The following MVB12B variants were observed in gnomAD, a reference collection of about 807,000 sequenced individuals.
The protein encoded by MVB12B is multivesicular body subunit 12B.
MVB12B carries 16 observed loss-of-function variants against 41.6 expected under a neutral mutation model. The observed-to-expected ratio is 0.38, with a 90% confidence interval of 0.26 to 0.58. MVB12B has a LOEUF of 0.58. MVB12B is among the 20% of genes least tolerant of loss of function. MVB12B has a pLI of 0.62. For synonymous variants in MVB12B, 133 were observed against 139.7 expected (o/e 0.95, Z 0.34); for missense variants, 274 against 380.2 (o/e 0.72, Z 2.32).
intron 9 of MVB12B, among the ~76,000 whole-genome samples, chr9:126,502,837 C>T (rs1833987233): frequency 6.6e-6 from 1 of 152,230 alleles, no homozygotes. Flanking sequence ...GAGGCCATGA[C>T]AGTCAGCACG....
At chr9:126,406,721 G>C (rs1831440146) in intron 6 of MVB12B, among the ~76,000 whole-genome samples, 1 of 152,170 alleles carries the variant, frequency 6.6e-6, no homozygotes, top group Non-Finnish European at 1.5e-5. Flanking sequence ...TATATGGGAG[G>C]TCGGTGTTTT....
intron 2 of MVB12B, among the ~76,000 whole-genome samples, chr9:126,350,189 G>GT (rs199962104): frequency 1.0e-3 from 155 of 151,750 alleles, no homozygotes; most frequent in South Asian, 2.5e-3. Context: ...TGGATTGTTT[G>GT]TTTTTTTTAC....
At chr9:126,463,434 T>G (rs1436948243) in intron 7 of MVB12B, among the ~76,000 whole-genome samples, 4 of 152,182 alleles carry the variant, frequency 2.6e-5, no homozygotes. Flanking sequence ...TGCCTTTTTC[T>G]CCATAAATTA....
intron 2 of MVB12B, among the ~76,000 whole-genome samples, chr9:126,362,958 G>A (rs764729131): frequency 1.6e-4 from 24 of 152,108 alleles, no homozygotes; most frequent in Non-Finnish European, 2.8e-4. Flanking sequence ...AAGCCGAGGC[G>A]GGGGTATCAC....
intron 7 of MVB12B, among the ~76,000 whole-genome samples, chr9:126,442,246 C>T (rs567989358): frequency 3.9e-5 from 6 of 152,132 alleles, no homozygotes; most frequent in East Asian, 1.9e-4. Context: ...GAATTTTATC[C>T]GCAGGGCCCT....
In MVB12B at chr9:126,505,886, C is replaced by T. The variant is rs540174759; in HGVS notation, c.*2623C>T. ...TTGGAAATGTGAAGGGTCTTGGCCT[C>T]ATCCCTCAGGTCCCCCCACAGCACT... is the stretch of plus-strand genomic sequence containing the variant. On this transcript the variant is annotated 3_prime_UTR_variant, in exon 10 of 10. Coordinates refer to ENST00000361171, the MANE Select transcript of MVB12B (RefSeq NM_033446.3). The T allele has an allele frequency of 6.6e-6, 1 of 152,332 alleles. No homozygotes were observed. The highest frequency in any genetic ancestry group is 1.5e-5 in the Non-Finnish European group (1 of 68,064). The allele number at this position is 152,332 out of a possible 1,614,324, so 9.4% of individuals were successfully genotyped here. A position where few individuals can be genotyped will look rare whatever the true frequency, so the allele number is the denominator to read the frequency against.
intron 9 of MVB12B, among the ~76,000 whole-genome samples, chr9:126,490,694 A>AGG (rs1183731932): frequency 2.0e-5 from 3 of 152,244 alleles, no homozygotes; most frequent in Non-Finnish European, 4.4e-5. Context: ...AAAATTGACA[A>AGG]GGGAGGCAGT....
chr9:126,415,731 T>G (rs1404125249), intron 6 of MVB12B, among the ~76,000 whole-genome samples: 1 of 152,164 alleles, frequency 6.6e-6, no homozygotes. Flanking sequence ...CACTGTGTAC[T>G]GGGCATTGTT....
At chr9:126,485,509 T>G (rs1185168359) in intron 9 of MVB12B, among the ~76,000 whole-genome samples, 2 of 113,568 alleles carry the variant, frequency 1.8e-5, no homozygotes, top group African/African-American at 6.9e-5. Context: ...GAGGTCAGAG[T>G]ACCTTCCACT....
intron 3 of MVB12B, among the ~76,000 whole-genome samples, chr9:126,384,785 G>A (rs1405875365): frequency 7.3e-5 from 11 of 150,798 alleles, no homozygotes; most frequent in Non-Finnish European, 7.4e-5. Flanking sequence ...CACCTGCCTC[G>A]GCCTCCCAAA....
intron 2 of MVB12B, among the ~76,000 whole-genome samples, chr9:126,348,278 C>G (rs148260208): frequency 4.5e-4 from 69 of 152,310 alleles, no homozygotes; most frequent in Non-Finnish European, 7.1e-4. Flanking sequence ...ATTAGCAAAC[C>G]TCTTTTAAGG....
chr9:126,411,768 C>G (rs1356534317), intron 6 of MVB12B, among the ~76,000 whole-genome samples: 1 of 152,134 alleles, frequency 6.6e-6, no homozygotes, highest in East Asian at 1.9e-4. Flanking sequence ...ATTTTAGAGC[C>G]TAGAGTGATT....
chr9:126,327,400 T>C, intron 1 of MVB12B: 1 of 897,934 alleles, frequency 1.1e-6, no homozygotes, highest in Non-Finnish European at 1.3e-6. Flanking sequence ...CCTGGGGTCC[T>C]GCTCTCTCTG....
intron 2 of MVB12B, among the ~76,000 whole-genome samples, chr9:126,360,307 C>T (rs1829994249): frequency 2.0e-5 from 3 of 152,166 alleles, no homozygotes; most frequent in South Asian, 4.1e-4. Context: ...TATGAGTCAG[C>T]AAACTTTTCT....
chr9:126,413,740 G>A (rs1248840921), intron 6 of MVB12B, among the ~76,000 whole-genome samples: 1 of 152,004 alleles, frequency 6.6e-6, no homozygotes, highest in Non-Finnish European at 1.5e-5. Flanking sequence ...CAGAGGAAAA[G>A]TCTGAAGTCA....
intron 9 of MVB12B, 21 bp from the exon 10 acceptor site, chr9:126,503,156 T>C (rs890262580): frequency 7.1e-6 from 11 of 1,546,382 alleles, no homozygotes; most frequent in Non-Finnish European, 8.7e-6. Context: ...TGTGTCTCTC[T>C]GTCCCCACCC....
intron 3 of MVB12B, among the ~76,000 whole-genome samples, chr9:126,384,628 A>G (rs1382448546): frequency 6.6e-6 from 1 of 151,892 alleles, no homozygotes; most frequent in African/African-American, 2.4e-5. Flanking sequence ...TCCTGGGTTC[A>G]AGCGATTCTC....
chr9:126,326,951 A>T lies in MVB12B; in HGVS notation c.22A>T (p.Arg8Ter). 1 of 270,684 alleles carries T rather than the reference A, an allele frequency of 3.7e-6. No individual in the cohort carries two copies. Among genetic ancestry groups the T allele is most frequent in the Non-Finnish European group, 7.4e-6 (1 of 134,814 alleles). 16.8% of individuals were successfully genotyped at this position (270,684 alleles called of 1,614,324 possible). A position where few individuals can be genotyped will look rare whatever the true frequency, so the allele number is the denominator to read the frequency against. Residue 8 changes from arginine to a stop codon, truncating the protein, a stop_gained, in exon 1 of 10, where the codon AGA becomes TGA. Coordinates refer to ENST00000361171, the MANE Select transcript of MVB12B (RefSeq NM_033446.3). LOFTEE classifies it high-confidence loss of function. ...GGCGATGAGAAGCTGCTTCTGCGTGAGACGGAGCCGGGACCCGCCGCCGCC... is the reference window on the plus strand; with the variant it reads ...GGCGATGAGAAGCTGCTTCTGCGTGTGACGGAGCCGGGACCCGCCGCCGCC... The part of the protein sequence containing the change: MRSCFCV[R>*]RSRDPPPPQP...
chr9:126,503,463 A>C lies in MVB12B; in HGVS notation c.*200A>C. 1.7e-6 allele frequency: 1 copy of C among 596,986 alleles called. No individual in the cohort carries two copies. Among genetic ancestry groups the C allele is most frequent in the South Asian group, 2.0e-5 (1 of 49,840 alleles). The allele number at this position is 596,986 out of a possible 1,614,324, so 37.0% of individuals were successfully genotyped here. ...CTGACACCCCGGCCTCCCTGGGGAC[A>C]TTGTTCATAACCATGACTAATCTGT... On this transcript the variant is annotated 3_prime_UTR_variant, in exon 10 of 10. Coordinates refer to ENST00000361171, the MANE Select transcript of MVB12B (RefSeq NM_033446.3).
Sources: allele counts gnomAD v4.1 joint callset (sites outside exome capture counted in the v4.1 genomes callset), GRCh38; gene constraint gnomAD v4.1.1; transcripts MANE v1.5; gene names NCBI Gene and HGNC (gene_info 2026-07-23, HGNC 2026-07-21).